MDGA2: variants seen among roughly 807,000 people sequenced by gnomAD.
MDGA2 encodes the protein MAM domain containing glycosylphosphatidylinositol anchor 2.
MDGA2 carries 40 observed loss-of-function variants against 117.8 expected under a neutral mutation model. The observed-to-expected ratio is 0.34, with a 90% CI of 0.26 to 0.44. The LOEUF (loss-of-function observed/expected upper bound fraction) is 0.44. MDGA2 is among the 20% of genes least tolerant of loss of function. MDGA2 has a pLI of 1.00. For synonymous variants in MDGA2, 452 were observed against 439.0 expected (o/e 1.03, Z -0.37); for missense variants, 1,123 against 1,250.6 (o/e 0.90, Z 1.54).
intron 3 of MDGA2, among the ~76,000 whole-genome samples, chr14:47,187,524 G>T (rs1884954971): frequency 6.6e-6 from 1 of 152,042 alleles, no homozygotes; most frequent in Admixed American, 6.6e-5. Flanking sequence ...TTTAATGCTT[G>T]TGAGATGAAT....
At chr14:47,349,061 A>T (rs1262363504) in intron 1 of MDGA2, among the ~76,000 whole-genome samples, 2 of 152,252 alleles carry the variant, frequency 1.3e-5, no homozygotes, top group Non-Finnish European at 2.9e-5. Flanking sequence ...AGTAAAGAAA[A>T]TAAACAGTTG....
chr14:47,062,250 T>C (rs2138790523), intron 6 of MDGA2, among the ~76,000 whole-genome samples: 1 of 152,154 alleles, frequency 6.6e-6, no homozygotes, highest in South Asian at 2.1e-4. Context: ...GGCTCTCTAA[T>C]GCGGATGACC....
At chr14:47,338,472 C>T (rs1240001259) in intron 1 of MDGA2, among the ~76,000 whole-genome samples, 2 of 151,722 alleles carry the variant, frequency 1.3e-5, no homozygotes, top group Non-Finnish European at 2.9e-5. Context: ...TTTTGAGAGA[C>T]ATGAATATTA....
chr14:47,308,523 A>G (rs1329975965), intron 1 of MDGA2, among the ~76,000 whole-genome samples: 1 of 103,418 alleles, frequency 9.7e-6, no homozygotes, highest in African/African-American at 3.8e-5. Context: ...TTTTTTTTTT[A>G]CAAATTCAAC....
intron 3 of MDGA2, chr14:47,200,868 C>T (rs1291516845): frequency 5.9e-6 from 5 of 852,448 alleles, no homozygotes; most frequent in East Asian, 2.4e-5. Context: ...GGTGGGATGC[C>T]GTCAAACACC....
intron 1 of MDGA2, among the ~76,000 whole-genome samples, chr14:47,337,932 G>C (rs553956090): frequency 2.6e-5 from 4 of 151,884 alleles, no homozygotes; most frequent in Non-Finnish European, 5.9e-5. Context: ...AAAATATCTT[G>C]TTTCCCATGA....
At chr14:47,361,027 T>C (rs1891108375) in intron 1 of MDGA2, among the ~76,000 whole-genome samples, 1 of 152,104 alleles carries the variant, frequency 6.6e-6, no homozygotes, top group Non-Finnish European at 1.5e-5. Context: ...ATAAAATCTA[T>C]AGTCAATCAT....
chr14:46,844,897 T>G (rs1030769876), intron 16 of MDGA2, among the ~76,000 whole-genome samples: 1 of 151,304 alleles, frequency 6.6e-6, no homozygotes, highest in African/African-American at 2.5e-5. Context: ...TTATTATGTT[T>G]TTGAGACAGA....
intron 8 of MDGA2, among the ~76,000 whole-genome samples, chr14:47,007,321 A>G (rs1189033719): frequency 1.3e-5 from 2 of 151,720 alleles, no homozygotes; most frequent in African/African-American, 2.4e-5. Context: ...CTGCCCTACA[A>G]TTTTTCACAT....
chr14:47,247,249 G>A (rs1037847919), intron 2 of MDGA2, among the ~76,000 whole-genome samples: 6 of 151,400 alleles, frequency 4.0e-5, no homozygotes, highest in African/African-American at 1.2e-4. Context: ...CTCCGGGTGT[G>A]GAGACAGAAA....
chr14:46,977,753 T>A (rs1886520976), intron 8 of MDGA2, among the ~76,000 whole-genome samples: 1 of 151,862 alleles, frequency 6.6e-6, no homozygotes, highest in African/African-American at 2.4e-5. Flanking sequence ...GTAAACTTAG[T>A]AGGTATAAAA....
intron 1 of MDGA2, among the ~76,000 whole-genome samples, chr14:47,310,111 G>T (rs539497545): frequency 3.9e-5 from 6 of 152,010 alleles, no homozygotes; most frequent in Non-Finnish European, 7.4e-5. Context: ...GTTATTTCAT[G>T]AAGATTTACA....
intron 1 of MDGA2, among the ~76,000 whole-genome samples, chr14:47,495,740 G>A (rs898607744): frequency 5.9e-5 from 9 of 152,272 alleles, no homozygotes; most frequent in African/African-American, 1.7e-4. Flanking sequence ...CACAGTGCAT[G>A]TCTATTGAGG....
chr14:46,973,216 C>T (rs1313084178), intron 8 of MDGA2, among the ~76,000 whole-genome samples: 1 of 152,028 alleles, frequency 6.6e-6, no homozygotes, highest in Non-Finnish European at 1.5e-5. Flanking sequence ...CAGTTTCTTA[C>T]AAAAGTATAC....
chr14:47,194,331 A>G (rs1013980029), intron 3 of MDGA2, among the ~76,000 whole-genome samples: 1 of 152,132 alleles, frequency 6.6e-6, no homozygotes, highest in Non-Finnish European at 1.5e-5. Context: ...CTCAAAAACT[A>G]TTTTCAAAGT....
chr14:47,013,602 G>A (rs1464025582), intron 8 of MDGA2, among the ~76,000 whole-genome samples: 1 of 150,784 alleles, frequency 6.6e-6, no homozygotes, highest in Non-Finnish European at 1.5e-5. Flanking sequence ...ATTCTTTCCA[G>A]GTTTTTAATT....
At position 46,964,919 on chromosome 14, in the gene MDGA2, CTTT is replaced by C. The variant is rs746778179; in HGVS notation, c.1820-7279_1820-7277del. On this transcript the variant is annotated intron_variant, in intron 8 of 16. Transcript: ENST00000399232. ...GAAAATATCCCCAAATATATATTTA[CTTT>C]TTTTTTTTTTTTTTTTTTTGAGACA... Among the ~76,000 whole-genome samples, 78 of 89,782 alleles carry C rather than the reference CTTT, an allele frequency of 8.7e-4. 3 individuals carry two copies. The highest frequency in any genetic ancestry group is 4.4e-3 in the African/African-American group (71 of 16,300). The allele number at this position is 89,782 out of a possible 152,430, so 58.9% of individuals were successfully genotyped here.
intron 8 of MDGA2, among the ~76,000 whole-genome samples, chr14:46,996,015 G>A (rs896447287): frequency 6.6e-6 from 1 of 151,990 alleles, no homozygotes; most frequent in African/African-American, 2.4e-5. Context: ...TCCATCCAGT[G>A]TCTACTCACT....
intron 1 of MDGA2, among the ~76,000 whole-genome samples, chr14:47,654,541 A>G (rs1048397946): frequency 1.2e-4 from 19 of 152,150 alleles, no homozygotes; most frequent in Admixed American, 1.0e-3. Context: ...GACCCAGCCA[A>G]TATGTTCCAG....
Sources: gnomAD v4.1 joint callset for allele counts (sites outside exome capture counted in the v4.1 genomes callset) on GRCh38, gnomAD v4.1.1 for gene constraint, MANE v1.5 for transcripts, NCBI Gene and HGNC (gene_info 2026-07-23, HGNC 2026-07-21) for gene names.